The following KCNAB1 variants were observed in gnomAD, a reference collection of about 807,000 sequenced individuals.
KCNAB1 encodes the protein potassium voltage-gated channel subfamily A regulatory beta subunit 1.
In KCNAB1, 35 loss-of-function variants were observed where a neutral mutation model predicts 64.6. That is an observed-to-expected ratio of 0.54 (90% CI 0.41 to 0.72). KCNAB1 has a LOEUF of 0.72. Among genes scored for constraint, KCNAB1 ranks in the 30% least tolerant of loss-of-function variants. KCNAB1 has a pLI of 0.00. For synonymous variants in KCNAB1, 177 were observed against 183.8 expected (o/e 0.96, Z 0.30); for missense variants, 401 against 512.9 (o/e 0.78, Z 2.11).
rs533496916 is a variant in KCNAB1, at chr3:156,434,034, A to G, written c.319+12375A>G. Among the ~76,000 whole-genome samples the G allele has an allele frequency of 2.6e-4, 39 of 152,276 alleles. No homozygotes were observed. The South Asian group carries it at 4.4e-3, about 17-fold the overall frequency. ...ATTTTCTAAGTGAATTAATACATACATTTCAGGAAGAGGAGCAGCTTGGAA... is the reference window on the plus strand; with the variant it reads ...ATTTTCTAAGTGAATTAATACATACGTTTCAGGAAGAGGAGCAGCTTGGAA... On this transcript the variant is annotated intron_variant, in intron 2 of 13. Coordinates refer to ENST00000490337, the MANE Select transcript of KCNAB1 (RefSeq NM_172160.3).
chr3:156,248,272 G>A (rs1319620429), intron 1 of KCNAB1, among the ~76,000 whole-genome samples: 1 of 152,108 alleles, frequency 6.6e-6, no homozygotes, highest in East Asian at 1.9e-4. Context: ...GTTTTGGGGT[G>A]GCTTCCTTTT....
chr3:156,179,674 A>G (rs1344989690), intron 1 of KCNAB1, among the ~76,000 whole-genome samples: 2 of 152,186 alleles, frequency 1.3e-5, no homozygotes, highest in Non-Finnish European at 2.9e-5. Context: ...CCCAGGCACC[A>G]AAGGCAGCAA....
intron 1 of KCNAB1, among the ~76,000 whole-genome samples, chr3:156,207,966 G>T (rs868269990): frequency 1.3e-5 from 2 of 152,320 alleles, no homozygotes; most frequent in African/African-American, 4.8e-5. Context: ...TTGGCCTTGG[G>T]TTTTGCTCCT....
chr3:156,536,777 GTT>G lies in KCNAB1; in HGVS notation c.*31_*32del. The G allele has an allele frequency of 1.4e-6, 2 of 1,470,148 alleles. No individual in the cohort carries two copies. Among genetic ancestry groups the G allele is most frequent in the Non-Finnish European group, 1.9e-6 (2 of 1,049,176 alleles). The allele number at this position is 1,470,148 out of a possible 1,614,324, so 91.1% of individuals were successfully genotyped here. A position where few individuals can be genotyped will look rare whatever the true frequency, so the allele number is the denominator to read the frequency against. ...ATGCATGAACCACAGAAGCTGCATG[GTT>G]AAAATAGCGGCCTGTGCCCAGTACA... is the stretch of plus-strand genomic sequence containing the variant. On this transcript the variant is annotated 3_prime_UTR_variant, in exon 14 of 14. Transcript: ENST00000490337.
At chr3:156,322,484 A>G (rs138186828) in intron 1 of KCNAB1, among the ~76,000 whole-genome samples, 97 of 152,326 alleles carry the variant, frequency 6.4e-4, no homozygotes, top group African/African-American at 2.3e-3. Flanking sequence ...AACTATTTAC[A>G]TAGCATTTAC....
At chr3:156,210,525 C>T (rs145878831) in intron 1 of KCNAB1, among the ~76,000 whole-genome samples, 37 of 152,286 alleles carry the variant, frequency 2.4e-4, no homozygotes, top group Admixed American at 1.1e-3. Flanking sequence ...ACAAAACACT[C>T]GCATCATCCA....
At chr3:156,464,295 C>T (rs1713170433) in intron 6 of KCNAB1, among the ~76,000 whole-genome samples, 1 of 152,154 alleles carries the variant, frequency 6.6e-6, no homozygotes, top group South Asian at 2.1e-4. Flanking sequence ...TTGTGGGATA[C>T]AGAGAAGATT....
chr3:156,440,036 G>A (rs1344660931), intron 2 of KCNAB1, among the ~76,000 whole-genome samples: 1 of 152,178 alleles, frequency 6.6e-6, no homozygotes, highest in Non-Finnish European at 1.5e-5. Flanking sequence ...GAATACATTG[G>A]ACATTACTTC....
intron 1 of KCNAB1, among the ~76,000 whole-genome samples, chr3:156,337,100 A>G (rs1723764484): frequency 6.6e-6 from 1 of 152,214 alleles, no homozygotes; most frequent in Admixed American, 6.5e-5. Context: ...TACATAATTC[A>G]CATGGCGTTT....
chr3:156,222,137 G>T (rs1376462829), intron 1 of KCNAB1, among the ~76,000 whole-genome samples: 7 of 152,158 alleles, frequency 4.6e-5, no homozygotes, highest in African/African-American at 1.2e-4. Flanking sequence ...CAGAATGGCA[G>T]AATGGATAAG....
At chr3:156,500,233 C>G (rs1480399066) in intron 8 of KCNAB1, among the ~76,000 whole-genome samples, 1 of 152,172 alleles carries the variant, frequency 6.6e-6, no homozygotes, top group Non-Finnish European at 1.5e-5. Context: ...ACGTTACTGA[C>G]AGCCACACCA....
intron 1 of KCNAB1, among the ~76,000 whole-genome samples, chr3:156,273,897 A>G (rs1560168945): frequency 6.6e-6 from 1 of 152,146 alleles, no homozygotes. Context: ...TGTATCAGCT[A>G]TTGCACTTAT....
chr3:156,158,185 AAT>A lies in KCNAB1; in HGVS notation c.275+37301_275+37302del, dbSNP rs1560112424. ...GTCTCAAAAAAAAAAATAAAAAATA[AAT>A]AAATAAATAAATAAATAAATAAATA... On this transcript the variant is annotated intron_variant, in intron 1 of 13. Transcript: ENST00000490337. Among the ~76,000 whole-genome samples, 784 of 98,036 alleles carry A rather than the reference AAT, an allele frequency of 8.0e-3. 25 individuals carry two copies. Among genetic ancestry groups the A allele is most frequent in the East Asian group, 0.039 (105 of 2,714 alleles). 64.3% of individuals were successfully genotyped at this position (98,036 alleles called of 152,430 possible). A position where few individuals can be genotyped will look rare whatever the true frequency, so the allele number is the denominator to read the frequency against.
At chr3:156,481,941 T>C (rs1459138600) in intron 8 of KCNAB1, among the ~76,000 whole-genome samples, 1 of 152,148 alleles carries the variant, frequency 6.6e-6, no homozygotes, top group Non-Finnish European at 1.5e-5. Flanking sequence ...AGGTAAGGCA[T>C]GTAAAACTCT....
chr3:156,409,895 C>T (rs1309326294), intron 1 of KCNAB1, among the ~76,000 whole-genome samples: 1 of 152,174 alleles, frequency 6.6e-6, no homozygotes, highest in Non-Finnish European at 1.5e-5. Context: ...TCATTTATAA[C>T]AGGGCTCAAA....
At chr3:156,525,191 C>T (rs1444867702) in intron 12 of KCNAB1, among the ~76,000 whole-genome samples, 4 of 151,996 alleles carry the variant, frequency 2.6e-5, no homozygotes, top group Non-Finnish European at 5.9e-5. Flanking sequence ...CTTATGCAGG[C>T]CCTTCAGGAG....
chr3:156,254,874 G>A (rs1718015596), intron 1 of KCNAB1, among the ~76,000 whole-genome samples: 1 of 152,168 alleles, frequency 6.6e-6, no homozygotes, highest in African/African-American at 2.4e-5. Flanking sequence ...TTTGGGCTTA[G>A]GTAATATACC....
rs958453522 is a variant in KCNAB1 at position 156,463,617 on chromosome 3, T to C, written c.483-85T>C. 20 of 1,063,068 alleles carry C rather than the reference T, an allele frequency of 1.9e-5. No individual in the cohort carries two copies. The African/African-American group carries it at 3.3e-4, about 18-fold the overall frequency. The allele number at this position is 1,063,068 out of a possible 1,614,324, so 65.9% of individuals were successfully genotyped here. On this transcript the variant is annotated intron_variant, in intron 5 of 13. Transcript: ENST00000490337. ...AATGTGAGGTATAATAACAAATTCT[T>C]TCTGGTGCTATTATAATAATATGAC... is the stretch of plus-strand genomic sequence containing the variant.
chr3:156,340,460 G>T (rs535606428), intron 1 of KCNAB1, among the ~76,000 whole-genome samples: 1 of 152,252 alleles, frequency 6.6e-6, no homozygotes, highest in South Asian at 2.1e-4. Context: ...CAAGGTCCTG[G>T]CAGATGTAGC....
Sources: allele counts gnomAD v4.1 joint callset (sites outside exome capture counted in the v4.1 genomes callset), GRCh38; gene constraint gnomAD v4.1.1; transcripts MANE v1.5; gene names NCBI Gene and HGNC (gene_info 2026-07-23, HGNC 2026-07-21).